APBB2: variants seen among roughly 807,000 people sequenced by gnomAD.
The protein encoded by APBB2 is amyloid beta precursor protein binding family B member 2.
APBB2 carries 38 observed loss-of-function variants against 82.5 expected under a neutral mutation model. The ratio of observed to expected loss-of-function variants is 0.46; its 90% CI spans 0.36 to 0.60. APBB2 has a LOEUF of 0.60. APBB2 is among the 20% of genes least tolerant of loss of function. The pLI is 0.00. For synonymous variants in APBB2, 341 were observed against 368.2 expected, an observed-to-expected ratio of 0.93 and a Z score of 0.85; for missense variants, 772 against 972.3, an observed-to-expected ratio of 0.79 and a Z score of 2.74.
intron 10 of APBB2, among the ~76,000 whole-genome samples, chr4:40,926,363 G>A (rs1053266766): frequency 6.6e-5 from 10 of 152,198 alleles, no homozygotes; most frequent in African/African-American, 2.4e-4. Context: ...GTGAGAAGGA[G>A]TCTGTCCTCA....
chr4:41,006,949 T>C (rs1806928298), intron 6 of APBB2, among the ~76,000 whole-genome samples: 1 of 152,326 alleles, frequency 6.6e-6, no homozygotes, highest in Non-Finnish European at 1.5e-5. Flanking sequence ...CCAGTTGTGT[T>C]GACATAATTA....
At chr4:41,034,680 G>T (rs898149035) in intron 4 of APBB2, among the ~76,000 whole-genome samples, 2 of 152,190 alleles carry the variant, frequency 1.3e-5, no homozygotes, top group African/African-American at 2.4e-5. Flanking sequence ...AGCAAAGCAT[G>T]ATCTAATTTG....
intron 1 of APBB2, among the ~76,000 whole-genome samples, chr4:41,204,570 G>A (rs763066364): frequency 3.9e-5 from 6 of 152,182 alleles, no homozygotes; most frequent in Admixed American, 2.0e-4. Flanking sequence ...ATAAGTGCTC[G>A]TCTGGGAAGC....
intron 6 of APBB2, among the ~76,000 whole-genome samples, chr4:40,999,067 C>T (rs11946514): frequency 0.042 from 6,364 of 152,150 alleles, 269 homozygotes; most frequent in African/African-American, 0.11. Flanking sequence ...AAACTGTGAA[C>T]AAGGACTACT....
At chr4:41,048,084 A>C (rs776134786) in intron 4 of APBB2, among the ~76,000 whole-genome samples, 4 of 152,248 alleles carry the variant, frequency 2.6e-5, no homozygotes, top group Non-Finnish European at 5.9e-5. Context: ...CATATGAGCC[A>C]ATCCAGATTT....
At chr4:41,039,181 T>C (rs957603203) in intron 4 of APBB2, among the ~76,000 whole-genome samples, 8 of 152,240 alleles carry the variant, frequency 5.3e-5, no homozygotes, top group Non-Finnish European at 1.2e-4. Flanking sequence ...TGCTAGGGTA[T>C]TTAAAAGCTT....
At chr4:40,985,535 T>A (rs1560458423) in intron 6 of APBB2, among the ~76,000 whole-genome samples, 1 of 152,152 alleles carries the variant, frequency 6.6e-6, no homozygotes, top group Non-Finnish European at 1.5e-5. Context: ...ACAAGTCTTT[T>A]CACGTTAGTA....
At chr4:40,944,442 G>A (rs562807357) in intron 7 of APBB2, among the ~76,000 whole-genome samples, 3 of 152,224 alleles carry the variant, frequency 2.0e-5, no homozygotes, top group Admixed American at 6.5e-5. Context: ...TTCCCTCCAC[G>A]CTATCAAACG....
At chr4:41,198,611 G>A in intron 1 of APBB2, among the ~76,000 whole-genome samples, 1 of 152,274 alleles carries the variant, frequency 6.6e-6, no homozygotes, top group Middle Eastern at 3.4e-3. Context: ...GGATTCAAAC[G>A]CAGGCCGACT....
intron 1 of APBB2, among the ~76,000 whole-genome samples, chr4:41,203,201 TACAC>T (rs1037184650): frequency 1.3e-5 from 2 of 151,724 alleles, no homozygotes; most frequent in African/African-American, 4.9e-5. Context: ...AAAAAAAAGA[TACAC>T]ATATACACAC....
At chr4:41,159,373 G>A (rs770465846) in intron 1 of APBB2, among the ~76,000 whole-genome samples, 2 of 152,074 alleles carry the variant, frequency 1.3e-5, no homozygotes, top group African/African-American at 4.8e-5. Flanking sequence ...TCTATGAAGC[G>A]CAAATAAGAT....
At position 40,823,641 on chromosome 4, in the gene APBB2, C is replaced by T; in HGVS notation, c.1932+3G>A. 6.2e-7 allele frequency: 1 copy of T among 1,601,778 alleles called. No homozygotes were observed. The highest frequency in any genetic ancestry group is 8.6e-7 in the Non-Finnish European group (1 of 1,169,102). ...ACCAATGTCATCGAAGATTCCTTCT[C>T]ACCTTTTCACTGATGACAGTCACAG... On this transcript the variant is annotated splice_donor_region_variant and intron_variant, in intron 16 of 17. Coordinates refer to ENST00000508593, the MANE Select transcript of APBB2 (RefSeq NM_004307.2).
In APBB2 at chr4:40,893,418, G is replaced by A; in HGVS notation, c.1255-7C>T. On this transcript the variant is annotated splice_polypyrimidine_tract_variant and splice_region_variant and intron_variant, in intron 10 of 17. Coordinates refer to ENST00000508593, the MANE Select transcript of APBB2 (RefSeq NM_004307.2). ...GAGAACGCACAGCAAAACACTGGAAGACAGTGAAAGAGGACAAGAAGTCAC... is the reference window on the plus strand; with the variant it reads ...GAGAACGCACAGCAAAACACTGGAAAACAGTGAAAGAGGACAAGAAGTCAC... 6.2e-7 allele frequency: 1 copy of A among 1,603,312 alleles called. No individual in the cohort carries two copies. The highest frequency in any genetic ancestry group is 8.5e-7 in the Non-Finnish European group (1 of 1,173,642).
intron 13 of APBB2, among the ~76,000 whole-genome samples, chr4:40,830,211 C>CACACACACACACACACATATATATATAT (rs1292292234): frequency 6.7e-6 from 1 of 149,550 alleles, no homozygotes; most frequent in African/African-American, 2.4e-5. Flanking sequence ...CACACACACA[C>CACACACACACACACACATATATATATAT]ATATATATAT....
At chr4:41,131,757 C>T (rs563869925) in intron 2 of APBB2, among the ~76,000 whole-genome samples, 5 of 152,180 alleles carry the variant, frequency 3.3e-5, no homozygotes, top group Admixed American at 2.6e-4. Context: ...AATAAAACTT[C>T]GGCCGGGCAC....
chr4:40,929,604 A>C (rs1043532950), intron 10 of APBB2, among the ~76,000 whole-genome samples: 3 of 152,146 alleles, frequency 2.0e-5, no homozygotes, highest in African/African-American at 7.2e-5. Flanking sequence ...TGGGCCAATA[A>C]GGGGAAATTT....
chr4:40,849,015 C>T, intron 12 of APBB2: 1 of 461,436 alleles, frequency 2.2e-6, no homozygotes, highest in Non-Finnish European at 2.8e-6. Context: ...AGTAGGCAAT[C>T]AATCAATATT....
chr4:40,861,388 G>A (rs1267910684), intron 12 of APBB2, among the ~76,000 whole-genome samples: 1 of 151,934 alleles, frequency 6.6e-6, no homozygotes, highest in African/African-American at 2.4e-5. Context: ...TTAGCCAGGT[G>A]TGGTGGCTTG....
intron 3 of APBB2, among the ~76,000 whole-genome samples, chr4:41,094,924 A>G (rs1026157033): frequency 1.2e-4 from 19 of 152,216 alleles, no homozygotes; most frequent in African/African-American, 4.1e-4. Flanking sequence ...AGGTGCTACG[A>G]AAGACAAAAA....
Sources: gnomAD v4.1 joint callset for allele counts (sites outside exome capture counted in the v4.1 genomes callset) on GRCh38, gnomAD v4.1.1 for gene constraint, MANE v1.5 for transcripts, NCBI Gene and HGNC (gene_info 2026-07-23, HGNC 2026-07-21) for gene names.